CHRM2: variants seen among roughly 807,000 people sequenced by gnomAD.
CHRM2 encodes muscarinic acetylcholine receptor M2.
A neutral mutation model predicts 25.0 loss-of-function variants in CHRM2; 8 were observed. The observed-to-expected ratio is 0.32, with a 90% confidence interval of 0.19 to 0.58. The LOEUF (loss-of-function observed/expected upper bound fraction) is 0.58, where lower values mean the gene tolerates loss of function less well. Among genes scored for constraint, CHRM2 ranks in the 20% least tolerant of loss-of-function variants. The pLI is 0.88. For missense variants in CHRM2, 440 were observed against 567.1 expected (o/e 0.78, Z 2.28); for synonymous variants, 202 against 205.7 (o/e 0.98, Z 0.15).
At chr7:136,957,255 ATGTGTGTG>A (rs10606389) in intron 2 of CHRM2, among the ~76,000 whole-genome samples, 3 of 151,080 alleles carry the variant, frequency 2.0e-5, no homozygotes, top group Non-Finnish European at 4.4e-5. Context: ...CATAGTGTAT[ATGTGTGTG>A]TGTGTGTGTG....
At chr7:136,948,050 G>T (rs1234031099) in intron 2 of CHRM2, among the ~76,000 whole-genome samples, 2 of 152,068 alleles carry the variant, frequency 1.3e-5, no homozygotes, top group Non-Finnish European at 2.9e-5. Flanking sequence ...CATGGCTGGG[G>T]GATTGTATGC....
chr7:136,938,108 G>A (rs1799528315), intron 2 of CHRM2, among the ~76,000 whole-genome samples: 1 of 152,158 alleles, frequency 6.6e-6, no homozygotes, highest in African/African-American at 2.4e-5. Flanking sequence ...TAGGGGAGAT[G>A]AAGTTATGTG....
At chr7:136,896,862 GA>G (rs1213433302) in intron 2 of CHRM2, among the ~76,000 whole-genome samples, 1 of 152,074 alleles carries the variant, frequency 6.6e-6, no homozygotes, top group Non-Finnish European at 1.5e-5. Flanking sequence ...TTAGGAAAGT[GA>G]AACGTCATTA....
chr7:136,933,132 A>G (rs1799211390), intron 2 of CHRM2, among the ~76,000 whole-genome samples: 1 of 152,220 alleles, frequency 6.6e-6, no homozygotes, highest in African/African-American at 2.4e-5. Flanking sequence ...AACAAATTGA[A>G]CAGTCGCTCA....
chr7:136,971,889 C>T (rs1461141109), intron 2 of CHRM2, among the ~76,000 whole-genome samples: 1 of 152,124 alleles, frequency 6.6e-6, no homozygotes, highest in Non-Finnish European at 1.5e-5. Flanking sequence ...TCACTACTCT[C>T]ATCTGTATTT....
intron 2 of CHRM2, among the ~76,000 whole-genome samples, chr7:136,933,331 A>G (rs1799221022): frequency 6.6e-6 from 1 of 152,212 alleles, no homozygotes; most frequent in Admixed American, 6.5e-5. Flanking sequence ...ATAAGCAACA[A>G]TGATGATCAG....
intron 3 of CHRM2, among the ~76,000 whole-genome samples, chr7:137,001,103 T>C (rs1251163514): frequency 1.3e-5 from 2 of 152,160 alleles, no homozygotes; most frequent in Non-Finnish European, 2.9e-5. Context: ...TCTGAGGATG[T>C]ACTGGGCATT....
intron 3 of CHRM2, among the ~76,000 whole-genome samples, chr7:137,008,949 T>TA (rs760274455): frequency 1.3e-5 from 2 of 152,080 alleles, no homozygotes; most frequent in African/African-American, 2.4e-5. Context: ...CAGAGAGACC[T>TA]AAATTTGAAT....
At chr7:136,903,488 T>C (rs192046300) in intron 2 of CHRM2, 1 of 173,064 alleles carries the variant, frequency 5.8e-6, no homozygotes, top group Non-Finnish European at 1.2e-5. Context: ...AAATAAGTAT[T>C]AAAAGATTTC....
At chr7:136,952,493 C>T (rs558262916) in intron 2 of CHRM2, among the ~76,000 whole-genome samples, 136 of 152,202 alleles carry the variant, frequency 8.9e-4, no homozygotes, top group African/African-American at 3.0e-3. Flanking sequence ...AAGTTCTGGT[C>T]GTCTGACTTC....
In CHRM2 at chr7:137,015,881, C is replaced by T. The variant is rs1451483101; in HGVS notation, c.1016C>T (p.Pro339Leu). The T allele has an allele frequency of 6.2e-7, 1 of 1,613,112 alleles. No homozygotes were observed. Among genetic ancestry groups the T allele is most frequent in the South Asian group, 1.1e-5 (1 of 91,040 alleles). The change falls in exon 4 of 4, where the codon CCA (proline) becomes CTA (leucine). Residue 339 changes from proline (P) to leucine (L), a missense_variant. By Grantham distance (98) the Pro-to-Leu change is moderately conservative (BLOSUM62 -3). Transcript: ENST00000680005. This position sits in a 1 kb window ranked among gnomAD's most constrained non-coding sequence, Gnocchi z 5.1. ...TKTPKSDSCT[P>L]TNTTVEVVGS... is the part of the protein sequence containing the mutation. ...ACCCCAAAAAGTGACTCATGTACCCCAACTAATACCACCGTGGAGGTAGTG... is the reference window on the plus strand; with the variant it reads ...ACCCCAAAAAGTGACTCATGTACCCTAACTAATACCACCGTGGAGGTAGTG...
At chr7:136,977,174 C>A (rs1430182221) in intron 2 of CHRM2, among the ~76,000 whole-genome samples, 1 of 152,138 alleles carries the variant, frequency 6.6e-6, no homozygotes, top group African/African-American at 2.4e-5. Context: ...GATAAATTAT[C>A]CCAAGAGCTT....
At chr7:136,900,985 A>G (rs1026745030) in intron 2 of CHRM2, among the ~76,000 whole-genome samples, 1 of 152,112 alleles carries the variant, frequency 6.6e-6, no homozygotes, top group Non-Finnish European at 1.5e-5. Context: ...ATATATTCTT[A>G]TTTATAAATT....
At chr7:136,889,796 G>A (rs1055881031) in intron 2 of CHRM2, among the ~76,000 whole-genome samples, 3 of 152,190 alleles carry the variant, frequency 2.0e-5, no homozygotes, top group East Asian at 1.9e-4. Context: ...TAGCTATTGC[G>A]GACTGTTGCG....
intron 2 of CHRM2, among the ~76,000 whole-genome samples, chr7:136,891,399 C>T (rs1214354010): frequency 9.2e-5 from 14 of 152,080 alleles, no homozygotes. Flanking sequence ...ATATTCTTAA[C>T]TGTTGGTTTG....
chr7:136,963,807 T>C (rs1419258333), intron 2 of CHRM2, among the ~76,000 whole-genome samples: 1 of 152,094 alleles, frequency 6.6e-6, no homozygotes, highest in African/African-American at 2.4e-5. Flanking sequence ...AAAAAAAATT[T>C]CTCTAGACAA....
chr7:136,977,894 A>G (rs1584864411), intron 2 of CHRM2, among the ~76,000 whole-genome samples: 1 of 152,274 alleles, frequency 6.6e-6, no homozygotes. Flanking sequence ...TCTTTAATCC[A>G]TCTCAAGTTA....
intron 2 of CHRM2, among the ~76,000 whole-genome samples, chr7:136,940,872 A>C (rs992052607): frequency 6.6e-6 from 1 of 152,186 alleles, no homozygotes; most frequent in East Asian, 1.9e-4. Flanking sequence ...CCTATTAAGT[A>C]ATGCTTATTT....
In CHRM2 at chr7:136,929,105, A is replaced by T. The variant is rs115078277; in HGVS notation, c.-125+59687A>T. ...AGGATTTTCCAGGATCAATAGACAGATCTCTAGAACTTTTGGTCATTTTAT... is the reference window on the plus strand; with the variant it reads ...AGGATTTTCCAGGATCAATAGACAGTTCTCTAGAACTTTTGGTCATTTTAT... On this transcript the variant is annotated intron_variant, in intron 2 of 3. Transcript: ENST00000680005. 4.3e-3 allele frequency among the ~76,000 whole-genome samples: 654 copies of T among 152,042 alleles called. 6 individuals carry two copies. Among genetic ancestry groups the T allele is most frequent in the African/African-American group, 0.015 (624 of 41,426 alleles).
Sources: gnomAD v4.1 joint callset for allele counts (sites outside exome capture counted in the v4.1 genomes callset) on GRCh38, gnomAD v4.1.1 for gene constraint, Gnocchi (gnomAD v3.1) non-coding constraint, MANE v1.5 for transcripts, NCBI Gene and HGNC (gene_info 2026-07-23, HGNC 2026-07-21) for gene names.